Variants in MYO16 observed in about 807,000 individuals in gnomAD.
The protein encoded by MYO16 is unconventional myosin-XVI.
Under a neutral mutation model 205.3 loss-of-function variants are expected in MYO16, and 94 were observed. That is an observed-to-expected ratio of 0.46 (90% CI 0.39 to 0.54). The LOEUF (loss-of-function observed/expected upper bound fraction) is 0.54, where lower values mean the gene tolerates loss of function less well. Among genes scored for constraint, MYO16 ranks in the 20% least tolerant of loss-of-function variants. The pLI, the probability that MYO16 is intolerant of heterozygous loss-of-function variation, is 0.00. For synonymous variants in MYO16, 988 were observed against 954.0 expected (o/e 1.04, Z -0.66); for missense variants, 2,315 against 2,387.5 (o/e 0.97, Z 0.63).
At chr13:108,971,181 T>A (rs1883992377) in intron 20 of MYO16, among the ~76,000 whole-genome samples, 1 of 152,036 alleles carries the variant, frequency 6.6e-6, no homozygotes, top group Non-Finnish European at 1.5e-5. Flanking sequence ...AATTTAAAAT[T>A]ATTGTTTTTC....
chr13:108,818,171 G>T (rs1221347848), intron 7 of MYO16, among the ~76,000 whole-genome samples: 1 of 152,118 alleles, frequency 6.6e-6, no homozygotes, highest in East Asian at 1.9e-4. Context: ...ATCACTTGAG[G>T]TTAGGAGTTC....
chr13:108,796,230 C>G (rs895568607), intron 6 of MYO16, among the ~76,000 whole-genome samples: 2 of 152,172 alleles, frequency 1.3e-5, no homozygotes, highest in African/African-American at 4.8e-5. Context: ...ATCACCTACC[C>G]TGGCTGTTGT....
upstream of MYO16, chr13:108,629,165 G>A (rs566586762): frequency 6.6e-6 from 1 of 152,242 alleles, no homozygotes; most frequent in South Asian, 2.1e-4. Context: ...TTTACATTCT[G>A]CTCAGAAAAG....
At position 109,196,526 on chromosome 13, in the gene MYO16, T is replaced by G. The variant is rs533736100; in HGVS notation, c.5416-10083T>G. ...TTCTGGTGTTCAGAGGCACAGACATTCATTGAATGTAAATGACTTAGCTTT... is the reference window on the plus strand; with the variant it reads ...TTCTGGTGTTCAGAGGCACAGACATGCATTGAATGTAAATGACTTAGCTTT... On this transcript the variant is annotated intron_variant, in intron 34 of 34. Coordinates refer to ENST00000457511, the MANE Select transcript of MYO16 (RefSeq NM_001198950.3). Among the ~76,000 whole-genome samples the G allele has an allele frequency of 2.4e-4, 36 of 152,294 alleles. 1 individual carries two copies. The South Asian group carries it at 6.6e-3, about 28-fold the overall frequency.
intron 1 of MYO16, among the ~76,000 whole-genome samples, chr13:108,664,793 T>C (rs1248766597): frequency 6.6e-6 from 1 of 152,222 alleles, no homozygotes; most frequent in Admixed American, 6.5e-5. Context: ...TAAATATAAG[T>C]GTTTATACAA....
chr13:108,954,735 T>A (rs1883282793), intron 16 of MYO16, among the ~76,000 whole-genome samples: 1 of 152,114 alleles, frequency 6.6e-6, no homozygotes, highest in Admixed American at 6.6e-5. Context: ...CAAGACCCTG[T>A]ATAATAATAG....
chr13:108,843,153 G>A (rs1877334806), intron 9 of MYO16, among the ~76,000 whole-genome samples: 1 of 151,822 alleles, frequency 6.6e-6, no homozygotes, highest in East Asian at 1.9e-4. Context: ...CATAAGATGA[G>A]CAAATTTTGG....
chr13:108,567,999 T>G, the MYO16 span, among the ~76,000 whole-genome samples: 1 of 152,222 alleles, frequency 6.6e-6, no homozygotes, highest in Admixed American at 6.5e-5. Context: ...CTTAGTATAA[T>G]GTTTTCAAGG....
chr13:109,198,899 G>A (rs1049778207), intron 34 of MYO16, among the ~76,000 whole-genome samples: 19 of 152,114 alleles, frequency 1.2e-4, no homozygotes, highest in African/African-American at 4.1e-4. Context: ...CAGGCATTCC[G>A]GCTCCAGAGG....
chr13:109,159,774 C>T (rs1878282017), intron 32 of MYO16, among the ~76,000 whole-genome samples: 1 of 152,328 alleles, frequency 6.6e-6, no homozygotes, highest in East Asian at 1.9e-4. Context: ...CTGCTGGACG[C>T]TGGAGAAGGA....
At chr13:109,160,735 G>C (rs1035263348) in intron 32 of MYO16, among the ~76,000 whole-genome samples, 8 of 152,170 alleles carry the variant, frequency 5.3e-5, no homozygotes, top group Non-Finnish European at 1.0e-4. Context: ...TCAGAACCCT[G>C]CTGGCCACTG....
upstream of MYO16, among the ~76,000 whole-genome samples, chr13:108,594,736 C>T (rs150981196): frequency 7.3e-3 from 1,114 of 152,270 alleles, 4 homozygotes; most frequent in Non-Finnish European, 0.012. Flanking sequence ...GTTCTTGTAG[C>T]CCCCACCAGC....
At chr13:108,795,474 C>G (rs1199759841) in intron 6 of MYO16, among the ~76,000 whole-genome samples, 1 of 152,128 alleles carries the variant, frequency 6.6e-6, no homozygotes, top group Non-Finnish European at 1.5e-5. Context: ...TCCCAAAGTG[C>G]TGGGATTACA....
At chr13:108,990,646 C>T (rs997762518) in intron 20 of MYO16, among the ~76,000 whole-genome samples, 1 of 152,074 alleles carries the variant, frequency 6.6e-6, no homozygotes, top group African/African-American at 2.4e-5. Flanking sequence ...TAAACTAAGT[C>T]AATTAGGAAA....
chr13:108,648,912 C>T (rs888178977), intron 1 of MYO16, among the ~76,000 whole-genome samples: 4 of 152,078 alleles, frequency 2.6e-5, no homozygotes, highest in East Asian at 1.9e-4. Flanking sequence ...TTCTCTCTCT[C>T]TCTCTCTCTC....
At chr13:109,012,060 A>C (rs905467286) in intron 22 of MYO16, among the ~76,000 whole-genome samples, 1 of 152,198 alleles carries the variant, frequency 6.6e-6, no homozygotes, top group Non-Finnish European at 1.5e-5. Flanking sequence ...AGAACGATTA[A>C]GATATATTAG....
chr13:108,757,613 A>G (rs1214032834), intron 4 of MYO16, among the ~76,000 whole-genome samples: 10 of 152,008 alleles, frequency 6.6e-5, no homozygotes, highest in African/African-American at 2.4e-4. Context: ...ATATCTCCTA[A>G]TGCTATCCCT....
intron 15 of MYO16, among the ~76,000 whole-genome samples, chr13:108,908,703 A>G (rs995458911): frequency 6.6e-6 from 1 of 152,048 alleles, no homozygotes; most frequent in Admixed American, 6.6e-5. Context: ...GTCTGGCGTG[A>G]TGGCTCACCC....
At chr13:108,986,201 T>A (rs35197715) in intron 20 of MYO16, among the ~76,000 whole-genome samples, 10,327 of 152,234 alleles carry the variant, frequency 0.068, 476 homozygotes, top group Non-Finnish European at 0.098. Context: ...ACATGGGGAT[T>A]ATGGGAGCTA....
Sources: gnomAD v4.1 joint callset for allele counts (sites outside exome capture counted in the v4.1 genomes callset) on GRCh38, gnomAD v4.1.1 for gene constraint, MANE v1.5 for transcripts, NCBI Gene and HGNC (gene_info 2026-07-23, HGNC 2026-07-21) for gene names.